Variants in IL9R observed in about 807,000 individuals in gnomAD.
The protein encoded by IL9R is interleukin 9 receptor, also known as interleukin-9 receptor.
In IL9R, 54 loss-of-function variants were observed where a neutral mutation model predicts 56.3. The ratio of observed to expected loss-of-function variants is 0.96; its 90% CI spans 0.77 to 1.20. The LOEUF (loss-of-function observed/expected upper bound fraction) is 1.20, where lower values mean the gene tolerates loss of function less well. Among genes scored for constraint, IL9R ranks in the 50% most tolerant of loss-of-function variants. The pLI is 0.00. For synonymous variants in IL9R, 212 were observed against 250.2 expected (o/e 0.85, Z 1.44); for missense variants, 545 against 629.8 (o/e 0.87, Z 1.44).
chrX:156,007,225 CT>C (rs1178785413), intron 7 of IL9R, among the ~76,000 whole-genome samples: 5 of 127,190 alleles, frequency 3.9e-5, no homozygotes, highest in Non-Finnish European at 6.6e-5. Context: ...TCCTGGAGTG[CT>C]GGCTCCCTCT....
chrX:155,999,212 T>G (rs2067342289), intron 1 of IL9R, among the ~76,000 whole-genome samples: 1 of 152,002 alleles, frequency 6.6e-6, no homozygotes, highest in Non-Finnish European at 1.5e-5. Flanking sequence ...CGCCTCTCTG[T>G]ACTTCTCCCA....
At chrX:156,003,132 T>G (rs1244620959) in intron 2 of IL9R, 113 bp downstream of exon 2, 11 of 1,346,692 alleles carry the variant, frequency 8.2e-6, no homozygotes, top group Non-Finnish European at 1.2e-5. Context: ...CAAACTGTGC[T>G]GGGGCATGTC....
intron 8 of IL9R, among the ~76,000 whole-genome samples, chrX:156,009,235 TCGTGTGGTG>T (rs1437250473): frequency 1.1e-3 from 6 of 5,504 alleles, no homozygotes; most frequent in East Asian, 6.7e-3. Flanking sequence ...CTGTGTGTGT[TCGTGTGGTG>T]TGTGTGTCTG....
intron 1 of IL9R, among the ~76,000 whole-genome samples, chrX:156,001,085 T>C (rs3093481): frequency 0.06 from 9,061 of 152,148 alleles, 919 homozygotes; most frequent in African/African-American, 0.21. Context: ...TCCTACTTTG[T>C]AGCTCTCAGG....
intron 6 of IL9R, 62 bp from the exon 7 acceptor site, chrX:156,006,021 G>A: frequency 1.2e-6 from 1 of 814,792 alleles, no homozygotes; most frequent in South Asian, 1.6e-5. Context: ...TTGCCAGGTG[G>A]GTTTGGGGGG....
rs775306024 is a variant in IL9R at position 156,001,437 on chromosome X, T to G, written c.29-1469T>G. Reference sequence around the variant, plus strand: ...TGCTGCAAGAACGGACAGACACTGCTGCAGAGAACTTGCCACGGTGTTTCA... The same window carrying G: ...TGCTGCAAGAACGGACAGACACTGCGGCAGAGAACTTGCCACGGTGTTTCA... On this transcript the variant is annotated intron_variant, in intron 1 of 8. Coordinates refer to ENST00000244174, the MANE Select transcript of IL9R (RefSeq NM_002186.3). 6 of 1,611,132 alleles carry G rather than the reference T, an allele frequency of 3.7e-6. No homozygotes were observed. In the East Asian group the frequency reaches 6.7e-5, roughly 18 times the overall value.
At chrX:156,009,403 C>CTG (rs1293609662) in intron 8 of IL9R, among the ~76,000 whole-genome samples, 622 of 129,372 alleles carry the variant, frequency 4.8e-3, no homozygotes, top group Admixed American at 0.011. Context: ...GTGTGTGTCT[C>CTG]TGTGTGTGTG....
intron 5 of IL9R, 114 bp downstream of exon 5, chrX:156,004,679 C>G: frequency 4.6e-6 from 5 of 1,075,386 alleles, no homozygotes; most frequent in Non-Finnish European, 7.0e-6. Context: ...AAGGGAGGAA[C>G]TAGAGCGGGG....
chrX:156,009,017 CTGTG>C (rs1205372747), intron 8 of IL9R, among the ~76,000 whole-genome samples: 24 of 109,770 alleles, frequency 2.2e-4, no homozygotes, highest in East Asian at 1.4e-3. Flanking sequence ...GTGTGTGTCT[CTGTG>C]TGTGTGTCTG....
rs374594432 is a variant in IL9R at position 156,009,813 on chromosome X, C to T, written c.973-3C>T. 5.1e-6 allele frequency: 7 copies of T among 1,365,586 alleles called. 3 individuals carry two copies. Among genetic ancestry groups the T allele is most frequent in the South Asian group, 3.1e-5 (2 of 65,202 alleles). 84.6% of individuals were successfully genotyped at this position (1,365,586 alleles called of 1,614,324 possible). A position where few individuals can be genotyped will look rare whatever the true frequency, so the allele number is the denominator to read the frequency against. On this transcript the variant is annotated splice_polypyrimidine_tract_variant and splice_region_variant and intron_variant, in intron 8 of 8. Transcript: ENST00000244174. ...CCTTCCCTCCTCCCGTGCTCTGTTC[C>T]AGACTTGGATGGGGGCCCACGGGGC...
rs750013519 is a variant in IL9R at position 156,001,731 on chromosome X, C to T, written c.29-1175C>T. On this transcript the variant is annotated intron_variant, in intron 1 of 8. Transcript: ENST00000244174. ...GCCCTGCTTCCTGCCTAGGGGCTAT[C>T]GGTGTACCATCTGGAGTTGCAAATG... Among the ~76,000 whole-genome samples, 4 of 152,176 alleles carry T rather than the reference C, an allele frequency of 2.6e-5. No homozygotes were observed. The East Asian group carries it at 5.8e-4, about 22-fold the overall frequency.
At chrX:156,003,414 A>C in intron 2 of IL9R, 35 bp from the exon 3 acceptor site, 16 of 1,460,886 alleles carry the variant, frequency 1.1e-5, no homozygotes, top group Non-Finnish European at 1.3e-5. Context: ...GGCCTGAAGT[A>C]CTTACCGTGG....
Position 155,999,900 on chromosome X carries a change from T to C in IL9R, c.28+2113T>C, listed in dbSNP as rs1288164726. Reference sequence around the variant, plus strand: ...CAGCACTTTGGGAGGCCAAAGCAGGTGAATCACTTGAGGCCAGGAGTACGA... The same window carrying C: ...CAGCACTTTGGGAGGCCAAAGCAGGCGAATCACTTGAGGCCAGGAGTACGA... On this transcript the variant is annotated intron_variant, in intron 1 of 8. Transcript: ENST00000244174. 3.9e-5 allele frequency among the ~76,000 whole-genome samples: 6 copies of C among 152,052 alleles called. No homozygotes were observed. The South Asian group carries it at 1.2e-3, about 32-fold the overall frequency.
rs897494634 is a variant in IL9R at position 156,009,868 on chromosome X, G to A, written c.1025G>A (p.Gly342Asp). 6.5e-6 allele frequency: 10 copies of A among 1,528,792 alleles called. No homozygotes were observed. The highest frequency in any genetic ancestry group is 8.8e-6 in the Non-Finnish European group (10 of 1,141,592). 94.7% of individuals were successfully genotyped at this position (1,528,792 alleles called of 1,614,324 possible). ...AGVLLSQDCA[G>D]TPQGALEPCV... ...GTGCTGTTGAGCCAGGACTGTGCTGGCACCCCACAGGGAGCCTTGGAGCCC... is the reference window on the plus strand; with the variant it reads ...GTGCTGTTGAGCCAGGACTGTGCTGACACCCCACAGGGAGCCTTGGAGCCC... Residue 342 changes from glycine to aspartate, a missense_variant, in exon 9 of 9, where the codon GGC becomes GAC. Physicochemically the swap from Gly to Asp is moderately conservative, Grantham distance 94. Transcript: ENST00000244174.
chrX:156,003,387 C>T, intron 2 of IL9R, 62 bp from the exon 3 acceptor site: 2 of 1,173,442 alleles, frequency 1.7e-6, no homozygotes, highest in Non-Finnish European at 2.6e-6. Context: ...TCCTCCCCAA[C>T]CCCCGAGCTC....
In IL9R at chrX:156,003,712, T is replaced by C. The variant is rs752868517; in HGVS notation, c.290T>C (p.Leu97Ser). Reference protein sequence around the residue: ...QAPGGTHKCILRGSECTVVLP... With the variant: ...QAPGGTHKCISRGSECTVVLP... ...CCTGGCGGCACACATAAGTGCATCT[T>C]GCGGGGCAGTGAGTGCACCGTCGTG... The change falls in exon 4 of 9, where the codon TTG becomes TCG. Residue 97 changes from leucine to serine, a missense_variant. Physicochemically the swap from Leu to Ser is moderately radical, Grantham distance 145. Coordinates refer to ENST00000244174, the MANE Select transcript of IL9R (RefSeq NM_002186.3). 2 of 1,613,576 alleles carry C rather than the reference T, an allele frequency of 1.2e-6. No individual in the cohort carries two copies. The highest frequency in any genetic ancestry group is 1.3e-5 in the African/African-American group (1 of 74,926).
At chrX:156,009,241 G>GTGT (rs1377556588) in intron 8 of IL9R, among the ~76,000 whole-genome samples, 9 of 26,662 alleles carry the variant, frequency 3.4e-4, no homozygotes, top group South Asian at 1.1e-3. Context: ...GTGTTCGTGT[G>GTGT]GTGTGTGTGT....
At chrX:156,008,910 CGTGTGTGTGTCT>C (rs1362321084) in intron 8 of IL9R, among the ~76,000 whole-genome samples, 3 of 120,344 alleles carry the variant, frequency 2.5e-5, no homozygotes, top group Non-Finnish European at 3.5e-5. Flanking sequence ...TGTGTGTGTT[CGTGTGTGTGTCT>C]GTGTGTGTGT....
At chrX:156,002,489 CCTATGG>C (rs2067600256) in intron 1 of IL9R, among the ~76,000 whole-genome samples, 2 of 152,290 alleles carry the variant, frequency 1.3e-5, no homozygotes, top group African/African-American at 4.8e-5. Context: ...AGAAAATGTA[CCTATGG>C]TGGTTGTTGG....
Sources: gnomAD v4.1 joint callset for allele counts (sites outside exome capture counted in the v4.1 genomes callset) on GRCh38, gnomAD v4.1.1 for gene constraint, MANE v1.5 for transcripts, NCBI Gene and HGNC (gene_info 2026-07-23, HGNC 2026-07-21) for gene names.